The following ADGB variants were observed in gnomAD, a reference collection of about 807,000 sequenced individuals.
ADGB encodes the protein androglobin.
A neutral mutation model predicts 210.5 loss-of-function variants in ADGB; 172 were observed. The observed-to-expected ratio is 0.82, with a 90% confidence interval of 0.72 to 0.93. The LOEUF is 0.93. Ranked by LOEUF, ADGB falls within the 40% of genes least tolerant of loss-of-function variation. The pLI is 0.00. For synonymous variants in ADGB, 658 were observed against 662.7 expected (o/e 0.99, Z 0.11); for missense variants, 2,025 against 1,964.8 (o/e 1.03, Z -0.58).
At chr6:146,721,664 C>T (rs1776816761) in intron 17 of ADGB, among the ~76,000 whole-genome samples, 159 bp downstream of exon 17, 1 of 141,634 alleles carries the variant, frequency 7.1e-6, no homozygotes, top group Non-Finnish European at 1.5e-5. Flanking sequence ...ATGGTGAAAC[C>T]TTGTCTCTAC....
At chr6:146,620,559 A>C (rs1179304471) in intron 1 of ADGB, among the ~76,000 whole-genome samples, 2 of 151,990 alleles carry the variant, frequency 1.3e-5, no homozygotes, top group African/African-American at 4.8e-5. Flanking sequence ...CTGTTTGAGA[A>C]TATCTGTTGT....
At chr6:146,673,202 AGGGGCATT>A (rs1249912568) in intron 8 of ADGB, among the ~76,000 whole-genome samples, 1 of 152,216 alleles carries the variant, frequency 6.6e-6, no homozygotes, top group Non-Finnish European at 1.5e-5. Flanking sequence ...CATACTTTTT[AGGGGCATT>A]GGGACATATG....
intron 13 of ADGB, among the ~76,000 whole-genome samples, chr6:146,702,424 T>A (rs534378998): frequency 2.0e-5 from 3 of 151,958 alleles, no homozygotes; most frequent in Non-Finnish European, 4.4e-5. Flanking sequence ...ATTTGAAAAA[T>A]CAGACCTTGG....
At chr6:146,712,653 A>C (rs986029825) in intron 13 of ADGB, among the ~76,000 whole-genome samples, 19 of 152,006 alleles carry the variant, frequency 1.2e-4, no homozygotes, top group African/African-American at 4.1e-4. Flanking sequence ...TGGATCTTCT[A>C]TTACACTACC....
chr6:146,693,576 A>T (rs1776361725), intron 12 of ADGB, among the ~76,000 whole-genome samples: 1 of 152,152 alleles, frequency 6.6e-6, no homozygotes, highest in Non-Finnish European at 1.5e-5. Flanking sequence ...TGGTACAGAG[A>T]AGTAGGGTGC....
At chr6:146,683,741 T>C (rs1479222428) in intron 9 of ADGB, among the ~76,000 whole-genome samples, 1 of 152,112 alleles carries the variant, frequency 6.6e-6, no homozygotes, top group Non-Finnish European at 1.5e-5. Context: ...TGTTATAAAG[T>C]AAGTGAGAAC....
chr6:146,730,297 T>C (rs1368140893), intron 20 of ADGB, among the ~76,000 whole-genome samples: 1 of 152,116 alleles, frequency 6.6e-6, no homozygotes, highest in Admixed American at 6.6e-5. Flanking sequence ...AATTTACTGT[T>C]GAATGAAGTT....
intron 18 of ADGB, chr6:146,725,168 T>C (rs1776875383): frequency 1.3e-5 from 2 of 149,412 alleles, no homozygotes; most frequent in Non-Finnish European, 1.5e-5. Context: ...AATTACTCTG[T>C]CTGAGTGCTT....
chr6:146,773,592 G>A (rs1004928830), intron 29 of ADGB, among the ~76,000 whole-genome samples: 8 of 152,056 alleles, frequency 5.3e-5, no homozygotes, highest in African/African-American at 7.2e-5. Context: ...CAAAAACTTT[G>A]GGAAGTAGTT....
At chr6:146,791,706 C>T (rs1020170670) in intron 33 of ADGB, among the ~76,000 whole-genome samples, 8 of 151,874 alleles carry the variant, frequency 5.3e-5, no homozygotes, top group African/African-American at 1.7e-4. Context: ...TTCCAAACAC[C>T]GTTTATTGAA....
At chr6:146,760,363 TC>T (rs1329569457) in intron 27 of ADGB, among the ~76,000 whole-genome samples, 1 of 151,888 alleles carries the variant, frequency 6.6e-6, no homozygotes, top group Non-Finnish European at 1.5e-5. Flanking sequence ...ATAGTATTTA[TC>T]TTTTGACACC....
intron 32 of ADGB, among the ~76,000 whole-genome samples, chr6:146,787,317 C>A (rs992169994): frequency 3.9e-5 from 6 of 152,180 alleles, no homozygotes; most frequent in Non-Finnish European, 8.8e-5. Flanking sequence ...GTTTCCAAGT[C>A]ATTTCCTCCC....
At chr6:146,758,054 C>T (rs547189144) in intron 27 of ADGB, among the ~76,000 whole-genome samples, 1 of 152,148 alleles carries the variant, frequency 6.6e-6, no homozygotes, top group East Asian at 1.9e-4. Context: ...TTCTTTTGAG[C>T]ATGTCTTCTT....
chr6:146,685,791 A>G lies in ADGB; in HGVS notation c.1274A>G (p.Tyr425Cys). 1 of 1,541,308 alleles carries G rather than the reference A, an allele frequency of 6.5e-7. No homozygotes were observed. Residue 425 changes from tyrosine to cysteine, a missense_variant, in exon 10 of 36, where the codon TAT (tyrosine) becomes TGT (cysteine). Physicochemically the swap from Tyr to Cys is radical, Grantham distance 194. Transcript: ENST00000397944. ...MVVYATFTPL[Y>C]LFENKIFSLE... ...GTATATGCGACATTTACACCTCTTT[A>G]TTTGTTTGAAAACAAGATCTTTTCA...
At chr6:146,671,329 A>C (rs1436820233) in intron 7 of ADGB, among the ~76,000 whole-genome samples, 4 of 152,122 alleles carry the variant, frequency 2.6e-5, no homozygotes, top group Non-Finnish European at 5.9e-5. Context: ...GCTTCTGCCA[A>C]GGAAGTGGTG....
At chr6:146,810,899 CAAT>C (rs1293699333) in intron 35 of ADGB, among the ~76,000 whole-genome samples, 1 of 152,028 alleles carries the variant, frequency 6.6e-6, no homozygotes, top group Non-Finnish European at 1.5e-5. Flanking sequence ...CCATCAGAAT[CAAT>C]AGTAGTAATT....
In ADGB at chr6:146,672,220, C is replaced by A. The variant is rs2114902861; in HGVS notation, c.840C>A (p.His280Gln). ...TTAATGTTTTTGTCTTTTCTCTTAGCCCGGGATATATGGACAAAGTTTGGG... is the reference window on the plus strand; with the variant it reads ...TTAATGTTTTTGTCTTTTCTCTTAGACCGGGATATATGGACAAAGTTTGGG... ...TGWLPEVISLHPGYMDKVWEL... is the reference protein window; with the variant it reads ...TGWLPEVISLQPGYMDKVWEL... The change falls in exon 8 of 36, where the codon CAC (histidine) becomes CAA (glutamine). Residue 280 changes from histidine (H) to glutamine (Q), a missense_variant and splice_region_variant. Coordinates refer to ENST00000397944, the MANE Select transcript of ADGB (RefSeq NM_024694.4). The A allele has an allele frequency of 1.3e-6, 2 of 1,487,242 alleles. No homozygotes were observed. Among genetic ancestry groups the A allele is most frequent in the Non-Finnish European group, 1.8e-6 (2 of 1,116,402 alleles). 92.1% of individuals were successfully genotyped at this position (1,487,242 alleles called of 1,614,324 possible). A position where few individuals can be genotyped will look rare whatever the true frequency, so the allele number is the denominator to read the frequency against.
intron 18 of ADGB, chr6:146,725,328 G>A (rs1179052834): frequency 1.3e-5 from 2 of 152,240 alleles, no homozygotes; most frequent in Non-Finnish European, 2.9e-5. Context: ...ACTGGTCCTG[G>A]TCCGAGGCCT....
chr6:146,803,762 C>G (rs1210378141), intron 35 of ADGB: 7 of 679,432 alleles, frequency 1.0e-5, no homozygotes, highest in African/African-American at 1.8e-5. Flanking sequence ...GCCCAGCCTC[C>G]GCGCTGACAA....
Sources: gnomAD v4.1 joint callset for allele counts (sites outside exome capture counted in the v4.1 genomes callset) on GRCh38, gnomAD v4.1.1 for gene constraint, MANE v1.5 for transcripts, NCBI Gene and HGNC (gene_info 2026-07-23, HGNC 2026-07-21) for gene names.